LACC1: variants seen among roughly 807,000 people sequenced by gnomAD.
The protein encoded by LACC1 is purine nucleoside phosphorylase LACC1.
A neutral mutation model predicts 34.8 loss-of-function variants in LACC1; 25 were observed. The observed-to-expected ratio is 0.72, with a 90% CI of 0.52 to 1.00. The LOEUF is 1.00. Among genes scored for constraint, LACC1 ranks in the 50% least tolerant of loss-of-function variants. LACC1 has a pLI of 0.00. For synonymous variants in LACC1, 162 were observed against 168.0 expected (o/e 0.96, Z 0.28); for missense variants, 426 against 511.2 (o/e 0.83, Z 1.61).
At chr13:43,887,173 C>T (rs1955371189) in intron 4 of LACC1, among the ~76,000 whole-genome samples, 1 of 152,146 alleles carries the variant, frequency 6.6e-6, no homozygotes, top group African/African-American at 2.4e-5. Context: ...TGATATCCTA[C>T]CCACTTACAG....
intron 4 of LACC1, 80 bp from the exon 5 acceptor site, chr13:43,888,677 C>G: frequency 9.6e-7 from 1 of 1,044,312 alleles, no homozygotes; most frequent in Non-Finnish European, 1.5e-6. Flanking sequence ...TAAATCTGCT[C>G]ACTTTTAACT....
intron 4 of LACC1, among the ~76,000 whole-genome samples, chr13:43,886,672 G>T (rs1167176912): frequency 6.6e-6 from 1 of 152,116 alleles, no homozygotes; most frequent in Non-Finnish European, 1.5e-5. Flanking sequence ...CTTGGGTGAT[G>T]AAATCGTTTG....
intron 4 of LACC1, among the ~76,000 whole-genome samples, chr13:43,886,409 T>C (rs1466078228): frequency 6.6e-6 from 1 of 152,090 alleles, no homozygotes; most frequent in Non-Finnish European, 1.5e-5. Context: ...ATATACATAA[T>C]GGAATACTAT....
rs980006652 is a variant in LACC1, at chr13:43,892,187, A to C, written c.*740A>C. 2.0e-5 allele frequency: 3 copies of C among 147,852 alleles called. No individual in the cohort carries two copies. The highest frequency in any genetic ancestry group is 7.5e-5 in the African/African-American group (3 of 40,208). 9.2% of individuals were successfully genotyped at this position (147,852 alleles called of 1,614,324 possible). ...CCAGGCAATGAGTAGGCAGCCAAAA[A>C]AAAAAAAGTAAGGATGTTTTTTTTT... On this transcript the variant is annotated 3_prime_UTR_variant, in exon 7 of 7. Transcript: ENST00000325686.
rs1555395026 is a variant in LACC1, at chr13:43,882,564, G to GATAGAT, written c.741+204_741+205insGATATA. Among the ~76,000 whole-genome samples the GATAGAT allele has an allele frequency of 3.1e-4, 43 of 139,116 alleles. 3 individuals are homozygous for GATAGAT. Among genetic ancestry groups the GATAGAT allele is most frequent in the Non-Finnish European group, 3.1e-5 (2 of 64,778 alleles). 91.3% of individuals were successfully genotyped at this position (139,116 alleles called of 152,430 possible). ...TTATACACACACACACACACGTGCA[G>GATAGAT]ATATATATATATATATATATATGCA... On this transcript the variant is annotated intron_variant, in intron 3 of 6. Transcript: ENST00000325686.
intron 3 of LACC1, 93 bp from the exon 4 acceptor site, chr13:43,883,678 A>G (rs1566965880): frequency 4.4e-6 from 4 of 906,134 alleles, no homozygotes; most frequent in African/African-American, 1.7e-5. Flanking sequence ...AACTGGTTAT[A>G]TAATTTTATA....
At position 43,882,198 on chromosome 13, in the gene LACC1, T is replaced by C. The variant is rs774399524; in HGVS notation, c.576T>C (p.His192=). The change falls in exon 3 of 7, where the codon CAT becomes CAC. Residue 192 remains histidine (H), a synonymous_variant. Coordinates refer to ENST00000325686, the MANE Select transcript of LACC1 (RefSeq NM_153218.4). ...TSSLIPDIFI[H]GFTTRTGGIS... ...TATCTTCAACAGATATTTTCATACA[T>C]GGATTTACTACAAGAACAGGTGGGA... 6.9e-6 allele frequency: 11 copies of C among 1,599,192 alleles called. No individual in the cohort carries two copies. The African/African-American group carries it at 9.4e-5, about 14-fold the overall frequency.
chr13:43,890,999 C>G (rs556437250), intron 6 of LACC1, among the ~76,000 whole-genome samples: 145 of 152,308 alleles, frequency 9.5e-4, no homozygotes, highest in African/African-American at 3.2e-3. Context: ...TGGCCCTGCT[C>G]CTGTAGTCCC....
chr13:43,888,810 G>C lies in LACC1; in HGVS notation c.961G>C (p.Ala321Pro). Residue 321 changes from alanine to proline, a missense_variant, in exon 5 of 7, where the codon GCA becomes CCA. By Grantham distance (27) the Ala-to-Pro change is conservative. Transcript: ENST00000325686. ...VAMATVNAMI[A>P]EYGCSLEDIV... ...TATGGCTACAGTGAATGCTATGATA[G>C]CAGAATATGGCTGCAGTTTGGAAGA... 6.2e-7 allele frequency: 1 copy of C among 1,613,870 alleles called. No homozygotes were observed. The highest frequency in any genetic ancestry group is 8.5e-7 in the Non-Finnish European group (1 of 1,179,842).
intron 4 of LACC1, among the ~76,000 whole-genome samples, chr13:43,884,509 A>G (rs1237547061): frequency 6.6e-6 from 1 of 152,152 alleles, no homozygotes; most frequent in African/African-American, 2.4e-5. Flanking sequence ...AGGTAGGAAA[A>G]AGCAAGATGT....
upstream of LACC1, chr13:43,879,353 AG>A: frequency 6.5e-6 from 1 of 153,468 alleles, no homozygotes; most frequent in African/African-American, 2.4e-5. Flanking sequence ...TCCCTCCTCA[AG>A]GGGCCCCTAG....
chr13:43,890,529 G>C (rs1479428151), intron 6 of LACC1, among the ~76,000 whole-genome samples: 1 of 152,060 alleles, frequency 6.6e-6, no homozygotes, highest in African/African-American at 2.4e-5. Flanking sequence ...CCTTTTCCTA[G>C]TTAATGAAGA....
At position 43,890,203 on chromosome 13, in the gene LACC1, A is replaced by C; in HGVS notation, c.1223A>C (p.Lys408Thr). 1.9e-6 allele frequency: 3 copies of C among 1,613,862 alleles called. No individual in the cohort carries two copies. The highest frequency in any genetic ancestry group is 2.5e-6 in the Non-Finnish European group (3 of 1,179,876). The part of the protein sequence containing the change: ...LNLCTSCHPD[K>T]FFSHVRDGLN... ...CTCTGTACATCTTGCCATCCTGACAAGTTTTTCTCCCATGTCCGAGATGGC... is the reference window on the plus strand; with the variant it reads ...CTCTGTACATCTTGCCATCCTGACACGTTTTTCTCCCATGTCCGAGATGGC... The change falls in exon 6 of 7, where the codon AAG becomes ACG. Residue 408 changes from lysine to threonine, a missense_variant. Transcript: ENST00000325686.
rs960743016 is a variant in LACC1, at chr13:43,891,573, A to G, written c.*126A>G. The G allele has an allele frequency of 1.1e-5, 10 of 899,076 alleles. No homozygotes were observed. Among genetic ancestry groups the G allele is most frequent in the Non-Finnish European group, 9.3e-6 (7 of 751,454 alleles). 55.7% of individuals were successfully genotyped at this position (899,076 alleles called of 1,614,324 possible). ...ACAATGGATAATTCATCTTTTGGGT[A>G]TATTTTTACTATTATTCAAAGCCAA... On this transcript the variant is annotated 3_prime_UTR_variant, in exon 7 of 7. Transcript: ENST00000325686.
chr13:43,888,562 C>T (rs1955435923), intron 4 of LACC1, among the ~76,000 whole-genome samples, 195 bp from the exon 5 acceptor site: 1 of 151,970 alleles, frequency 6.6e-6, no homozygotes, highest in Non-Finnish European at 1.5e-5. Flanking sequence ...AAGAAAACTC[C>T]CATTACATGT....
chr13:43,885,714 A>T (rs1955286213), intron 4 of LACC1, among the ~76,000 whole-genome samples: 1 of 152,218 alleles, frequency 6.6e-6, no homozygotes, highest in African/African-American at 2.4e-5. Flanking sequence ...CAAAGATTTC[A>T]TGGTGAAGAC....
chr13:43,884,784 A>C (rs1186880001), intron 4 of LACC1, among the ~76,000 whole-genome samples: 2 of 152,106 alleles, frequency 1.3e-5, no homozygotes, highest in African/African-American at 4.8e-5. Context: ...GCATATTTTT[A>C]TTTTGACCTA....
intron 2 of LACC1, among the ~76,000 whole-genome samples, chr13:43,881,814 A>G (rs1955074946): frequency 6.6e-6 from 1 of 152,232 alleles, no homozygotes; most frequent in Non-Finnish European, 1.5e-5. Context: ...CTCCTTTGCA[A>G]TGAGATTTAT....
At chr13:43,886,004 C>T (rs1357828775) in intron 4 of LACC1, among the ~76,000 whole-genome samples, 4 of 151,962 alleles carry the variant, frequency 2.6e-5, no homozygotes, top group East Asian at 1.9e-4. Context: ...TATGAAAAAA[C>T]GCTTGATATT....
Sources: gnomAD v4.1 joint callset for allele counts (sites outside exome capture counted in the v4.1 genomes callset) on GRCh38, gnomAD v4.1.1 for gene constraint, MANE v1.5 for transcripts, NCBI Gene and HGNC (gene_info 2026-07-23, HGNC 2026-07-21) for gene names.